Variants in GNL3L observed in about 807,000 individuals in gnomAD.
The protein encoded by GNL3L is G protein nucleolar 3 like.
GNL3L carries 4 observed loss-of-function variants against 42.9 expected under a neutral mutation model. The observed-to-expected ratio is 0.09, with a 90% CI of 0.05 to 0.21. The LOEUF (loss-of-function observed/expected upper bound fraction) is 0.21, where lower values mean the gene tolerates loss of function less well. Among genes scored for constraint, GNL3L ranks in the 10% least tolerant of loss-of-function variants. GNL3L has a pLI of 1.00. For missense variants in GNL3L, 412 were observed against 481.7 expected (o/e 0.86, Z 1.36); for synonymous variants, 159 against 176.3 (o/e 0.90, Z 0.78).
intron 8 of GNL3L, among the ~76,000 whole-genome samples, chrX:54,548,018 C>T (rs186489535): frequency 2.5e-4 from 28 of 111,431 alleles, no homozygotes. Flanking sequence ...TGACATGTGT[C>T]GAAGCAGACG....
the GNL3L span, among the ~76,000 whole-genome samples, chrX:54,639,822 T>C: frequency 9.0e-6 from 1 of 110,839 alleles, no homozygotes; most frequent in Non-Finnish European, 1.9e-5. Context: ...AGTGAGGCTT[T>C]CGGGGAGGGA....
At position 54,584,742 on chromosome X, in the gene GNL3L, A is replaced by AT. The variant is rs1189308682; in HGVS notation, c.*45+24102dup. Among the ~76,000 whole-genome samples, 4 of 112,172 alleles carry AT rather than the reference A, an allele frequency of 3.6e-5. No individual in the cohort carries two copies. The Admixed American group carries it at 3.8e-4, about 11-fold the overall frequency. On this transcript the variant is annotated intron_variant, in intron 16 of 16. Transcript: ENST00000674498. The stretch of plus-strand genomic sequence containing the variant: ...GGATCAAATGGTAATTCTGTTTTTA[A>AT]TTTTTTTGAGGAACCTCTATATTGT...
intron 5 of GNL3L, 44 bp from the exon 6 acceptor site, chrX:54,542,911 T>C: frequency 2.4e-6 from 2 of 823,416 alleles, no homozygotes; most frequent in Non-Finnish European, 3.7e-6. Context: ...TCTCGCTCTC[T>C]CCCCCTCCTC....
intron 16 of GNL3L, among the ~76,000 whole-genome samples, chrX:54,586,384 A>AAGCAGC (rs200842799): frequency 1.0e-4 from 11 of 110,277 alleles, no homozygotes; most frequent in East Asian, 9.0e-4. Flanking sequence ...CCTGAGTCCT[A>AAGCAGC]AGCAGCAGCA....
intron 14 of GNL3L, among the ~76,000 whole-genome samples, chrX:54,555,866 T>G (rs1044428134): frequency 3.7e-5 from 4 of 109,286 alleles, no homozygotes; most frequent in Non-Finnish European, 7.6e-5. Flanking sequence ...ACCTACACAA[T>G]CAAGTCCATA....
intron 16 of GNL3L, among the ~76,000 whole-genome samples, chrX:54,607,091 T>C (rs1300855985): frequency 1.6e-5 from 1 of 62,508 alleles, no homozygotes; most frequent in African/African-American, 8.0e-5. Flanking sequence ...TCTTCTTTCT[T>C]TCTTTCTTTC....
At chrX:54,634,468 A>T in the GNL3L span, among the ~76,000 whole-genome samples, 1 of 101,350 alleles carries the variant, frequency 9.9e-6, no homozygotes, top group Non-Finnish European at 1.9e-5. Flanking sequence ...CGCCCGGCTA[A>T]TTTGTATTTT....
At chrX:54,610,049 G>A (rs774007285) in intron 16 of GNL3L, among the ~76,000 whole-genome samples, 5 of 111,881 alleles carry the variant, frequency 4.5e-5, no homozygotes, top group African/African-American at 9.7e-5. Context: ...AGTTTTCCTC[G>A]TAGAGGTCTT....
At chrX:54,628,621 A>AT in the GNL3L span, among the ~76,000 whole-genome samples, 2 of 107,401 alleles carry the variant, frequency 1.9e-5, no homozygotes, top group Admixed American at 1.0e-4. Flanking sequence ...GACGTTGAGC[A>AT]TTTTTTTTCA....
At chrX:54,585,074 G>A (rs1278655948) in intron 16 of GNL3L, among the ~76,000 whole-genome samples, 4 of 112,197 alleles carry the variant, frequency 3.6e-5, no homozygotes, top group African/African-American at 1.3e-4. Context: ...ATGAGCCACC[G>A]TGCCTGGCCT....
intron 16 of GNL3L, among the ~76,000 whole-genome samples, chrX:54,594,484 G>A (rs902029461): frequency 4.6e-5 from 5 of 107,887 alleles, no homozygotes; most frequent in African/African-American, 1.7e-4. Context: ...TTTGTTTTCA[G>A]CCTATGTGTG....
chrX:54,587,655 G>A (rs1925802431), intron 16 of GNL3L, among the ~76,000 whole-genome samples: 1 of 109,387 alleles, frequency 9.1e-6, no homozygotes, highest in African/African-American at 3.3e-5. Context: ...TCAATTTTTG[G>A]AACAATTGTA....
At chrX:54,555,396 C>G (rs932803689) in intron 14 of GNL3L, among the ~76,000 whole-genome samples, 1 of 110,592 alleles carries the variant, frequency 9.0e-6, no homozygotes, top group Non-Finnish European at 1.9e-5. Flanking sequence ...CCTTTTCATC[C>G]CTACCATTCC....
At chrX:54,532,038 C>T (rs1220283625) in intron 1 of GNL3L, among the ~76,000 whole-genome samples, 3 of 110,862 alleles carry the variant, frequency 2.7e-5, no homozygotes, top group African/African-American at 6.6e-5. Context: ...GATCTATTTA[C>T]GCCCTTCCCC....
Position 54,561,026 on chromosome X carries a change from G to A in GNL3L, c.*424G>A, listed in dbSNP as rs1478459242. The A allele has an allele frequency of 9.8e-6, 1 of 101,688 alleles. No individual in the cohort carries two copies. The highest frequency in any genetic ancestry group is 2.0e-5 in the Non-Finnish European group (1 of 51,113). The allele number at this position is 101,688 out of a possible 1,213,427, so 8.4% of individuals were successfully genotyped here. A position where few individuals can be genotyped will look rare whatever the true frequency, so the allele number is the denominator to read the frequency against. Reference sequence around the variant, plus strand: ...GGCAGAGGTTGCAGTGAGCCCAGACGGCACCATTGCACTCTAGCCTGGGCA... The same window carrying A: ...GGCAGAGGTTGCAGTGAGCCCAGACAGCACCATTGCACTCTAGCCTGGGCA... On this transcript the variant is annotated 3_prime_UTR_variant, in exon 16 of 16. Transcript: ENST00000360845.
chrX:54,595,652 A>G (rs527495507), intron 16 of GNL3L, among the ~76,000 whole-genome samples: 2 of 111,582 alleles, frequency 1.8e-5, no homozygotes, highest in Admixed American at 1.9e-4. Context: ...CCTCTTCTTT[A>G]AGGCCAATAA....
At chrX:54,639,827 G>A in the GNL3L span, among the ~76,000 whole-genome samples, 1 of 111,386 alleles carries the variant, frequency 9.0e-6, no homozygotes, top group African/African-American at 3.3e-5. Flanking sequence ...GGCTTTCGGG[G>A]AGGGAGGAGC....
the GNL3L span, among the ~76,000 whole-genome samples, chrX:54,632,151 A>T: frequency 9.0e-6 from 1 of 111,690 alleles, no homozygotes; most frequent in African/African-American, 3.3e-5. Context: ...TGTTAATCTG[A>T]TAGGTTTTCC....
At chrX:54,591,592 CAAAAAAAAAA>C (rs56034612) in intron 16 of GNL3L, among the ~76,000 whole-genome samples, 22 of 62,336 alleles carry the variant, frequency 3.5e-4, no homozygotes, top group Non-Finnish European at 6.3e-4. Flanking sequence ...GACTTTGTCT[CAAAAAAAAAA>C]AAAAAAAATT....
Sources: allele counts gnomAD v4.1 joint callset (sites outside exome capture counted in the v4.1 genomes callset), GRCh38; gene constraint gnomAD v4.1.1; transcripts MANE v1.5; gene names NCBI Gene and HGNC (gene_info 2026-07-23, HGNC 2026-07-21).